Variants in IL1RAP observed in about 807,000 individuals in gnomAD.
The protein encoded by IL1RAP is interleukin-1 receptor accessory protein.
Under a neutral mutation model 60.7 loss-of-function variants are expected in IL1RAP, and 35 were observed. The ratio of observed to expected loss-of-function variants is 0.58; its 90% CI spans 0.44 to 0.76. The LOEUF (loss-of-function observed/expected upper bound fraction) is 0.76. IL1RAP is among the 30% of genes least tolerant of loss of function. The probability of loss-of-function intolerance (pLI) is 0.00; values close to 1 mark genes in which losing one functional copy is unlikely to be tolerated. For missense variants in IL1RAP, 572 were observed against 693.9 expected, an observed-to-expected ratio of 0.82 and a Z score of 1.97; for synonymous variants, 268 against 250.9, an observed-to-expected ratio of 1.07 and a Z score of -0.64.
In IL1RAP at chr3:190,651,027, C is replaced by T; in HGVS notation, c.*2322C>T. On this transcript the variant is annotated 3_prime_UTR_variant, in exon 12 of 12. Transcript: ENST00000447382. The stretch of plus-strand genomic sequence containing the variant: ...ACAAATGCTGTAATATAAAGCATAT[C>T]AAGTTTATGTGATACGTATCATTGC... 1 of 983,662 alleles carries T rather than the reference C, an allele frequency of 1.0e-6. No homozygotes were observed. Among genetic ancestry groups the T allele is most frequent in the East Asian group, 1.1e-4 (1 of 8,804 alleles). The allele number at this position is 983,662 out of a possible 1,614,324, so 60.9% of individuals were successfully genotyped here.
At chr3:190,657,562 A>G (rs1054848793) in exon 12 of IL1RAP, 5 of 152,246 alleles carry the variant, frequency 3.3e-5, no homozygotes, top group East Asian at 1.9e-4. Context: ...AAGGTAAGAG[A>G]AAAGAGAAAA....
intron 10 of IL1RAP, among the ~76,000 whole-genome samples, chr3:190,645,407 A>G (rs969068818): frequency 2.6e-5 from 4 of 152,244 alleles, no homozygotes; most frequent in Admixed American, 2.0e-4. Context: ...GTTAATTGCC[A>G]GTACCTATGA....
intron 3 of IL1RAP, among the ~76,000 whole-genome samples, chr3:190,591,383 G>GT (rs1384913408): frequency 2.6e-5 from 4 of 152,296 alleles, no homozygotes; most frequent in African/African-American, 9.6e-5. Flanking sequence ...GAAAGCAGTT[G>GT]TTTTGGGACA....
chr3:190,556,928 C>T (rs1302523081), intron 2 of IL1RAP, among the ~76,000 whole-genome samples: 2 of 152,178 alleles, frequency 1.3e-5, no homozygotes, highest in Non-Finnish European at 2.9e-5. Flanking sequence ...TAAGACTTTC[C>T]TCTCAACAAA....
chr3:190,612,948 T>G (rs745993542), intron 5 of IL1RAP, among the ~76,000 whole-genome samples: 1 of 152,072 alleles, frequency 6.6e-6, no homozygotes, highest in Non-Finnish European at 1.5e-5. Flanking sequence ...ATCAGTGCAA[T>G]ATGCCAGGGG....
downstream of IL1RAP, chr3:190,656,019 C>T: frequency 6.5e-7 from 1 of 1,537,224 alleles, no homozygotes; most frequent in Non-Finnish European, 8.7e-7. Flanking sequence ...GCCAGAACTC[C>T]ATTGCCACCA....
intron 5 of IL1RAP, among the ~76,000 whole-genome samples, chr3:190,614,708 A>G (rs567464984): frequency 2.0e-5 from 3 of 152,314 alleles, no homozygotes; most frequent in Admixed American, 6.5e-5. Flanking sequence ...ACTTTCATAT[A>G]TAATTTACTC....
intron 2 of IL1RAP, among the ~76,000 whole-genome samples, chr3:190,561,402 C>T (rs1256254923): frequency 1.3e-5 from 2 of 152,138 alleles, no homozygotes; most frequent in East Asian, 1.9e-4. Flanking sequence ...CATCACAGGG[C>T]AGGACTGGCC....
downstream of IL1RAP, among the ~76,000 whole-genome samples, chr3:190,652,220 T>C (rs1734434151): frequency 6.6e-6 from 1 of 151,754 alleles, no homozygotes; most frequent in African/African-American, 2.4e-5. Context: ...TCCCAGCACT[T>C]TGGGAGGCTG....
At chr3:190,609,879 G>T (rs1235592047) in intron 5 of IL1RAP, among the ~76,000 whole-genome samples, 1 of 152,142 alleles carries the variant, frequency 6.6e-6, no homozygotes, top group Non-Finnish European at 1.5e-5. Context: ...TGGAAGTAAC[G>T]TGGTGTCTGT....
exon 12 of IL1RAP, chr3:190,659,164 G>A (rs887136083): frequency 1.3e-5 from 2 of 152,170 alleles, no homozygotes; most frequent in African/African-American, 4.8e-5. Context: ...GGAAGAAAAT[G>A]AGAAATTAAA....
intron 3 of IL1RAP, among the ~76,000 whole-genome samples, chr3:190,601,092 C>T (rs760146079): frequency 3.9e-5 from 6 of 152,210 alleles, no homozygotes; most frequent in Non-Finnish European, 8.8e-5. Context: ...TCAAGCAAGT[C>T]TCCTGCCTCA....
intron 1 of IL1RAP, among the ~76,000 whole-genome samples, chr3:190,531,897 C>A (rs1046322338): frequency 1.3e-5 from 2 of 152,114 alleles, no homozygotes; most frequent in Non-Finnish European, 2.9e-5. Flanking sequence ...ATATAGAAAT[C>A]AAGCTTTCGC....
chr3:190,532,556 G>A (rs1484495340), intron 1 of IL1RAP, among the ~76,000 whole-genome samples: 2 of 152,120 alleles, frequency 1.3e-5, no homozygotes, highest in African/African-American at 4.8e-5. Context: ...CTAATTCCAT[G>A]TGAGGTGCTT....
chr3:190,652,278 A>G (rs2108871953), downstream of IL1RAP, among the ~76,000 whole-genome samples: 1 of 152,134 alleles, frequency 6.6e-6, no homozygotes, highest in Admixed American at 6.5e-5. Context: ...CCTGGCCAAC[A>G]TGGTGAAACC....
intron 5 of IL1RAP, among the ~76,000 whole-genome samples, chr3:190,613,418 G>T (rs781665388): frequency 1.8e-4 from 27 of 152,126 alleles, no homozygotes; most frequent in Non-Finnish European, 3.5e-4. Context: ...AAAAATCAGA[G>T]CTAAAGACAG....
intron 2 of IL1RAP, among the ~76,000 whole-genome samples, chr3:190,561,000 C>A (rs950804124): frequency 6.6e-6 from 1 of 152,068 alleles, no homozygotes; most frequent in East Asian, 1.9e-4. Flanking sequence ...GTAAATTACA[C>A]GGATAATGCA....
At chr3:190,572,859 GTTTTTTT>G (rs1200775636) in intron 3 of IL1RAP, among the ~76,000 whole-genome samples, 2,646 of 39,060 alleles carry the variant, frequency 0.068, 582 homozygotes, top group Non-Finnish European at 0.09. Context: ...TTAATGCTTT[GTTTTTTT>G]TTTTTTTTTT....
chr3:190,629,933 T>C (rs1429026975), intron 9 of IL1RAP: 3 of 941,760 alleles, frequency 3.2e-6, no homozygotes, highest in East Asian at 1.2e-4. Flanking sequence ...CCTAAGACTT[T>C]CGGAATTTTT....
Sources: gnomAD v4.1 joint callset for allele counts (sites outside exome capture counted in the v4.1 genomes callset) on GRCh38, gnomAD v4.1.1 for gene constraint, MANE v1.5 for transcripts, NCBI Gene and HGNC (gene_info 2026-07-23, HGNC 2026-07-21) for gene names.